Variants in DMD observed in about 807,000 individuals in gnomAD.
The protein encoded by DMD is dystrophin.
DMD carries 63 observed loss-of-function variants against 330.1 expected under a neutral mutation model. That is an observed-to-expected ratio of 0.19 (90% CI 0.16 to 0.24). DMD has a LOEUF of 0.24. DMD is among the 10% of genes least tolerant of loss of function. The probability of loss-of-function intolerance (pLI) is 1.00; values close to 1 mark genes in which losing one functional copy is unlikely to be tolerated. For synonymous variants in DMD, 1,223 were observed against 959.8 expected, an observed-to-expected ratio of 1.27 and a Z score of -5.07; for missense variants, 3,344 against 2,684.1, an observed-to-expected ratio of 1.25 and a Z score of -5.43.
At chrX:32,685,103 G>A (rs1402122361) in intron 9 of DMD, among the ~76,000 whole-genome samples, 1 of 111,266 alleles carries the variant, frequency 9.0e-6, no homozygotes, top group African/African-American at 3.3e-5. Flanking sequence ...CTAGGATCAA[G>A]TGGCCAATAA....
intron 54 of DMD, among the ~76,000 whole-genome samples, chrX:31,647,705 C>T (rs971457973): frequency 5.3e-5 from 6 of 112,170 alleles, no homozygotes; most frequent in Non-Finnish European, 1.1e-4. Context: ...GTTTAAGCAA[C>T]GTAGGTTATT....
At chrX:32,354,635 A>G (rs1224243572) in intron 37 of DMD, among the ~76,000 whole-genome samples, 2 of 111,834 alleles carry the variant, frequency 1.8e-5, no homozygotes, top group African/African-American at 6.5e-5. Context: ...AATTAAATAA[A>G]TTGACTCCAA....
chrX:32,583,003 A>G (rs1486943815), intron 13 of DMD, among the ~76,000 whole-genome samples: 1 of 111,468 alleles, frequency 9.0e-6, no homozygotes, highest in Non-Finnish European at 1.9e-5. Context: ...CAGATTGCCT[A>G]ATCACCATCC....
chrX:32,784,734 G>A (rs2148581871), intron 7 of DMD, among the ~76,000 whole-genome samples: 1 of 111,463 alleles, frequency 9.0e-6, no homozygotes, highest in East Asian at 2.8e-4. Context: ...TCCCATATAA[G>A]AATTATGATG....
chrX:32,857,394 G>A (rs1454809286), intron 2 of DMD, among the ~76,000 whole-genome samples: 1 of 111,761 alleles, frequency 8.9e-6, no homozygotes, highest in African/African-American at 3.3e-5. Flanking sequence ...GAATAATTTG[G>A]TATTTTGAGT....
At chrX:32,743,838 G>C (rs1383269903) in intron 7 of DMD, among the ~76,000 whole-genome samples, 1 of 111,316 alleles carries the variant, frequency 9.0e-6, no homozygotes, top group Non-Finnish European at 1.9e-5. Flanking sequence ...TTGAGTGATG[G>C]GTGGTTAGTC....
chrX:31,900,667 C>T (rs1031887774), intron 47 of DMD, among the ~76,000 whole-genome samples: 2 of 111,422 alleles, frequency 1.8e-5, no homozygotes, highest in African/African-American at 3.3e-5. Context: ...TTTGGAAGTG[C>T]GTAACATGCA....
chrX:32,211,335 G>A (rs1681264364), intron 44 of DMD, among the ~76,000 whole-genome samples: 1 of 112,069 alleles, frequency 8.9e-6, no homozygotes, highest in African/African-American at 3.2e-5. Flanking sequence ...ATTAAAATAT[G>A]ACATATGTAA....
rs755386067 is a variant in DMD, at chrX:32,343,668, T to C, written c.5587-382A>G. 3.6e-5 allele frequency among the ~76,000 whole-genome samples: 4 copies of C among 111,538 alleles called. No individual in the cohort carries two copies. In the South Asian group the frequency reaches 1.1e-3, roughly 31 times the overall value. On this transcript the variant is annotated intron_variant, in intron 39 of 78. Transcript: ENST00000357033. ...AAACCTAGTGAGTTTGTATCTGACT[T>C]AAAATAGGTAAAATTCTAAAATGTA...
At chrX:32,091,965 A>G (rs929900805) in intron 44 of DMD, among the ~76,000 whole-genome samples, 5 of 111,716 alleles carry the variant, frequency 4.5e-5, no homozygotes, top group Non-Finnish European at 5.6e-5. Context: ...TTCATCATCT[A>G]TAAAATGACT....
In DMD at chrX:33,033,916, G is replaced by C. The variant is rs373709798; in HGVS notation, c.32-13716C>G. ...TTCGAAAAACAGCATTTTAAGTATA[G>C]TTTTATTTCATCTTCATAAATTGTA... On this transcript the variant is annotated intron_variant, in intron 1 of 78. Coordinates refer to ENST00000357033, the MANE Select transcript of DMD (RefSeq NM_004006.3). Among the ~76,000 whole-genome samples, 4 of 111,863 alleles carry C rather than the reference G, an allele frequency of 3.6e-5. 1 individual carries two copies. The highest frequency in any genetic ancestry group is 3.7e-4 in the South Asian group (1 of 2,725).
chrX:32,999,013 C>T (rs5927121), intron 2 of DMD, among the ~76,000 whole-genome samples: 4,087 of 111,869 alleles, frequency 0.037, 129 homozygotes, highest in East Asian at 0.2. Context: ...TGTGAACCTT[C>T]GAAACAGAAG....
chrX:32,789,804 G>T (rs1389916368), intron 7 of DMD, among the ~76,000 whole-genome samples: 1 of 111,753 alleles, frequency 8.9e-6, no homozygotes, highest in Non-Finnish European at 1.9e-5. Flanking sequence ...TCTACCAAAA[G>T]GAACTTGCAA....
At chrX:33,237,910 C>T (rs1263091628) in intron 1 of DMD, among the ~76,000 whole-genome samples, 2 of 112,008 alleles carry the variant, frequency 1.8e-5, no homozygotes, top group South Asian at 3.6e-4. Flanking sequence ...AACATGGTAT[C>T]TATAATAAGC....
chrX:31,463,568 C>T (rs1038142699), intron 59 of DMD, among the ~76,000 whole-genome samples: 3 of 111,799 alleles, frequency 2.7e-5, no homozygotes, highest in African/African-American at 6.5e-5. Context: ...TTTTACTGAA[C>T]GGTAGGAGAG....
chrX:32,511,479 G>A lies in DMD; in HGVS notation c.2292+6529C>T, dbSNP rs183047726. On this transcript the variant is annotated intron_variant, in intron 18 of 78. Coordinates refer to ENST00000357033, the MANE Select transcript of DMD (RefSeq NM_004006.3). The stretch of plus-strand genomic sequence containing the variant: ...AGAAGTTGCAGTGAGCCAAGATTGC[G>A]CCACTGCACTCCAGCCTGGGTGACA... Among the ~76,000 whole-genome samples the A allele has an allele frequency of 3.0e-3, 281 of 92,505 alleles. 1 individual carries two copies. The highest frequency in any genetic ancestry group is 6.4e-3 in the African/African-American group (155 of 24,125). 80.3% of individuals were successfully genotyped at this position (92,505 alleles called of 115,157 possible).
At chrX:32,228,243 C>T (rs752221843) in intron 43 of DMD, among the ~76,000 whole-genome samples, 4 of 110,929 alleles carry the variant, frequency 3.6e-5, no homozygotes, top group Non-Finnish European at 7.6e-5. Context: ...TCTAGAACTC[C>T]GCAAATTTTC....
At chrX:32,800,185 G>A (rs1307770871) in intron 7 of DMD, among the ~76,000 whole-genome samples, 1 of 111,792 alleles carries the variant, frequency 8.9e-6, no homozygotes, top group Non-Finnish European at 1.9e-5. Flanking sequence ...TTGGAGAGTA[G>A]CCAACATCAT....
chrX:31,490,185 C>T (rs952548383), intron 57 of DMD, among the ~76,000 whole-genome samples: 2 of 112,053 alleles, frequency 1.8e-5, no homozygotes, highest in Non-Finnish European at 3.8e-5. Flanking sequence ...TCCTCCAACG[C>T]GGCTAAAAAG....
Sources: allele counts gnomAD v4.1 joint callset (sites outside exome capture counted in the v4.1 genomes callset), GRCh38; gene constraint gnomAD v4.1.1; transcripts MANE v1.5; gene names NCBI Gene and HGNC (gene_info 2026-07-23, HGNC 2026-07-21).